FOXP1: variants seen among roughly 807,000 people sequenced by gnomAD.
FOXP1 encodes forkhead box protein P1.
In FOXP1, 15 loss-of-function variants were observed where a neutral mutation model predicts 98.2. The ratio of observed to expected loss-of-function variants is 0.15; its 90% CI spans 0.10 to 0.24. FOXP1 has a LOEUF of 0.24. Among genes scored for constraint, FOXP1 ranks in the 10% least tolerant of loss-of-function variants. FOXP1 has a pLI of 1.00. For missense variants in FOXP1, 633 were observed against 848.5 expected (o/e 0.75, Z 3.15); for synonymous variants, 371 against 314.5 (o/e 1.18, Z -1.90).
chr3:71,226,303 C>T (rs1186075280), intron 5 of FOXP1, among the ~76,000 whole-genome samples: 1 of 152,176 alleles, frequency 6.6e-6, no homozygotes, highest in African/African-American at 2.4e-5. Flanking sequence ...CTCTTTCTTG[C>T]AGGGGAGGCT....
intron 16 of FOXP1, 46 bp downstream of exon 16, chr3:70,977,597 A>T (rs767213124): frequency 1.4e-6 from 2 of 1,428,326 alleles, no homozygotes; most frequent in Admixed American, 3.3e-5. Flanking sequence ...ATCCATGTAC[A>T]CATATACCTT....
chr3:71,426,464 C>T (rs1403793123), intron 3 of FOXP1, among the ~76,000 whole-genome samples: 1 of 152,036 alleles, frequency 6.6e-6, no homozygotes, highest in Non-Finnish European at 1.5e-5. Flanking sequence ...ACAAGACGAC[C>T]CAAGTGGAAT....
At chr3:71,506,327 G>C (rs17008694) in intron 2 of FOXP1, among the ~76,000 whole-genome samples, 7,479 of 152,226 alleles carry the variant, frequency 0.049, 259 homozygotes, top group Middle Eastern at 0.13. Context: ...TCATGGAGTG[G>C]TTTGAAGATT....
At chr3:71,150,797 C>G (rs1049932383) in intron 6 of FOXP1, among the ~76,000 whole-genome samples, 2 of 152,026 alleles carry the variant, frequency 1.3e-5, no homozygotes. Flanking sequence ...GAGTTTTCCT[C>G]TAGTTCAACG....
Position 71,397,047 on chromosome 3 carries a change from T to C in FOXP1, c.-167-37803A>G, listed in dbSNP as rs866449713. Reference sequence around the variant, plus strand: ...ATACATATATATGTGTATATATATATACACATATATATGTGTATATATATA... The same window carrying C: ...ATACATATATATGTGTATATATATACACACATATATATGTGTATATATATA... On this transcript the variant is annotated intron_variant, in intron 3 of 20. Transcript: ENST00000649528. Among the ~76,000 whole-genome samples the C allele has an allele frequency of 1.5e-3, 66 of 43,138 alleles. 6 individuals are homozygous for C. Among genetic ancestry groups the C allele is most frequent in the Non-Finnish European group, 2.3e-3 (45 of 19,532 alleles). The allele number at this position is 43,138 out of a possible 152,430, so 28.3% of individuals were successfully genotyped here.
At chr3:71,306,801 ATGCTT>A (rs1220254091) in intron 4 of FOXP1, among the ~76,000 whole-genome samples, 12 of 152,200 alleles carry the variant, frequency 7.9e-5, no homozygotes, top group Non-Finnish European at 1.6e-4. Context: ...ATTAGAAAAG[ATGCTT>A]TTAACTGAGT....
chr3:71,141,693 A>C (rs2060079330), intron 6 of FOXP1, among the ~76,000 whole-genome samples: 1 of 152,220 alleles, frequency 6.6e-6, no homozygotes, highest in Non-Finnish European at 1.5e-5. Context: ...CCTTTCTGAT[A>C]CTACAGTCTA....
intron 5 of FOXP1, among the ~76,000 whole-genome samples, chr3:71,218,037 T>A (rs1400772344): frequency 1.8e-4 from 28 of 152,162 alleles, no homozygotes; most frequent in Admixed American, 1.8e-3. Flanking sequence ...CTCACCTCTT[T>A]GCTGAAACTG....
At chr3:71,048,027 A>C (rs1318421713) in intron 9 of FOXP1, among the ~76,000 whole-genome samples, 1 of 152,210 alleles carries the variant, frequency 6.6e-6, no homozygotes, top group Admixed American at 6.5e-5. Flanking sequence ...CAATAAATAG[A>C]AGGAAATTAT....
At chr3:71,332,545 C>T in intron 4 of FOXP1, 1 of 153,324 alleles carries the variant, frequency 6.5e-6, no homozygotes, top group Non-Finnish European at 1.5e-5. Context: ...ACTAGCCTGG[C>T]CAAAATAGTG....
intron 13 of FOXP1, among the ~76,000 whole-genome samples, chr3:70,992,706 C>T (rs2040793865): frequency 6.6e-6 from 1 of 152,174 alleles, no homozygotes; most frequent in South Asian, 2.1e-4. Flanking sequence ...ACTCTCTTGA[C>T]ATTTAAAGCA....
At chr3:71,218,943 C>G (rs1372928116) in intron 5 of FOXP1, among the ~76,000 whole-genome samples, 4 of 152,144 alleles carry the variant, frequency 2.6e-5, no homozygotes, top group Non-Finnish European at 5.9e-5. Flanking sequence ...GCCACTTCCA[C>G]TTTGATGTCC....
At chr3:71,066,004 C>T (rs1310162903) in intron 7 of FOXP1, among the ~76,000 whole-genome samples, 1 of 144,176 alleles carries the variant, frequency 6.9e-6, no homozygotes. Context: ...GACACACACA[C>T]AAAATCCCCA....
intron 19 of FOXP1, chr3:70,969,597 A>G (rs577347827): frequency 5.3e-5 from 8 of 152,292 alleles, no homozygotes; most frequent in African/African-American, 1.9e-4. Context: ...CTCCTTCCTC[A>G]TCCTGTTCCC....
At chr3:71,542,029 T>C (rs1206445438) in intron 2 of FOXP1, 2 of 534,052 alleles carry the variant, frequency 3.7e-6, no homozygotes, top group South Asian at 2.8e-5. Context: ...TTCCAATATA[T>C]AAAATTTAAG....
intron 2 of FOXP1, chr3:71,571,550 A>T (rs2047341873): frequency 1.3e-5 from 2 of 152,352 alleles, no homozygotes; most frequent in South Asian, 4.1e-4. Context: ...AGGAAAAAAA[A>T]TTAAGTTTTT....
At chr3:71,462,730 A>G (rs1242758644) in intron 3 of FOXP1, among the ~76,000 whole-genome samples, 2 of 152,224 alleles carry the variant, frequency 1.3e-5, no homozygotes, top group African/African-American at 4.8e-5. Flanking sequence ...TATTCTAGTC[A>G]TCCGATGAAG....
intron 2 of FOXP1, among the ~76,000 whole-genome samples, chr3:71,496,523 T>C (rs917531172): frequency 1.3e-5 from 2 of 152,076 alleles, no homozygotes; most frequent in Non-Finnish European, 2.9e-5. Flanking sequence ...ATAAATCGGT[T>C]AAACAATACT....
At chr3:70,968,329 T>C (rs995234977) in intron 19 of FOXP1, 2 of 151,288 alleles carry the variant, frequency 1.3e-5, no homozygotes, top group Admixed American at 6.6e-5. Flanking sequence ...CAAGGTTAGA[T>C]AAATTTTCAC....
Sources: allele counts gnomAD v4.1 joint callset (sites outside exome capture counted in the v4.1 genomes callset), GRCh38; gene constraint gnomAD v4.1.1; transcripts MANE v1.5; gene names NCBI Gene and HGNC (gene_info 2026-07-23, HGNC 2026-07-21).